The following LRRC74A variants were observed in gnomAD, a reference collection of about 807,000 sequenced individuals.
The protein encoded by LRRC74A is leucine rich repeat containing 74A.
LRRC74A carries 44 observed loss-of-function variants against 57.9 expected under a neutral mutation model. That is an observed-to-expected ratio of 0.76 (90% CI 0.60 to 0.98). The LOEUF (loss-of-function observed/expected upper bound fraction) is 0.98, where lower values mean the gene tolerates loss of function less well. LRRC74A is among the 50% of genes least tolerant of loss of function. The pLI, the probability that LRRC74A is intolerant of heterozygous loss-of-function variation, is 0.00. For synonymous variants in LRRC74A, 211 were observed against 219.4 expected, an observed-to-expected ratio of 0.96 and a Z score of 0.34; for missense variants, 572 against 574.0, an observed-to-expected ratio of 1.00 and a Z score of 0.04.
rs770419685 is a variant in LRRC74A at position 76,828,326 on chromosome 14, G to A, written c.73G>A (p.Asp25Asn). 1.2e-5 allele frequency: 19 copies of A among 1,609,580 alleles called. No homozygotes were observed. Among genetic ancestry groups the A allele is most frequent in the Middle Eastern group, 3.3e-4 (2 of 6,066 alleles). ...IEIEPVRQSS[D>N]KMLYCEAESP... ...AATTGAGCCAGTACGACAGAGCAGC[G>A]ATAAAATGCTCTACTGTGAGGCCGA... The change falls in exon 2 of 14, where the codon GAT (aspartate) becomes AAT (asparagine). Residue 25 changes from aspartate (D) to asparagine (N), a missense_variant. Physicochemically the swap from Asp to Asn is conservative, Grantham distance 23. Transcript: ENST00000689127.
At position 76,860,856 on chromosome 14, in the gene LRRC74A, C is replaced by G; in HGVS notation, c.1200+17C>G. The G allele has an allele frequency of 1.0e-5, 16 of 1,573,140 alleles. No homozygotes were observed. Among genetic ancestry groups the G allele is most frequent in the Non-Finnish European group, 1.4e-5 (16 of 1,155,348 alleles). On this transcript the variant is annotated intron_variant, in intron 11 of 13. Coordinates refer to ENST00000689127, the MANE Select transcript of LRRC74A (RefSeq NM_001385106.1). ...CTGATCCAGGTGAGCTCCTGCCTTC[C>G]TCTCAGGGCCTCCAGGGAGCCCTGG...
chr14:76,846,483 A>G (rs966120842), intron 7 of LRRC74A, among the ~76,000 whole-genome samples: 20 of 152,166 alleles, frequency 1.3e-4, no homozygotes, highest in Non-Finnish European at 1.9e-4. Context: ...GCCATAAAAG[A>G]GGAAAAAAAA....
chr14:76,828,958 A>G, intron 2 of LRRC74A: 7 of 1,258,470 alleles, frequency 5.6e-6, no homozygotes, highest in Non-Finnish European at 7.2e-6. Context: ...TGACTTTCCC[A>G]CACTCACCTT....
At chr14:76,859,654 G>A (rs533847104) in intron 10 of LRRC74A, among the ~76,000 whole-genome samples, 2 of 137,438 alleles carry the variant, frequency 1.5e-5, no homozygotes, top group African/African-American at 2.7e-5. Flanking sequence ...AAATAGGTCT[G>A]AATTAGCCTT....
chr14:76,837,175 T>G (rs1381241742), intron 4 of LRRC74A, among the ~76,000 whole-genome samples: 1 of 152,130 alleles, frequency 6.6e-6, no homozygotes, highest in Non-Finnish European at 1.5e-5. Context: ...TCTGCATAGT[T>G]GCCTTAAAGT....
At chr14:76,869,998 T>G in intron 13 of LRRC74A, 127 bp from the exon 14 acceptor site, 1 of 924,370 alleles carries the variant, frequency 1.1e-6, no homozygotes. Flanking sequence ...GTTAACAGCA[T>G]GACCTCTAAG....
rs562849581 is a variant in LRRC74A at position 76,860,761 on chromosome 14, C to T, written c.1122C>T (p.Asp374=). The change falls in exon 11 of 14, where the codon GAC becomes GAT. Residue 374 remains aspartate (D), a synonymous_variant. Coordinates refer to ENST00000689127, the MANE Select transcript of LRRC74A (RefSeq NM_001385106.1). ...TGTATGCCGTTCACCCGCAGCTGGA[C>T]GTGGTATTCAAGGCAGTACAAGGCC... ...DGVYAVHPQL[D]VVFKAVQGLS... 89 of 1,611,472 alleles carry T rather than the reference C, an allele frequency of 5.5e-5. No individual in the cohort carries two copies. The highest frequency in any genetic ancestry group is 5.3e-4 in the South Asian group (48 of 90,884).
intron 5 of LRRC74A, among the ~76,000 whole-genome samples, chr14:76,841,379 C>T (rs1176505552): frequency 1.3e-5 from 2 of 152,186 alleles, no homozygotes; most frequent in African/African-American, 2.4e-5. Context: ...CAAAGACTAC[C>T]CCTTTTTTCA....
At chr14:76,864,119 A>G (rs992837414) in intron 11 of LRRC74A, among the ~76,000 whole-genome samples, 5 of 152,226 alleles carry the variant, frequency 3.3e-5, no homozygotes, top group African/African-American at 1.2e-4. Flanking sequence ...GGCATCTGCC[A>G]TAGCGCTCAG....
At chr14:76,829,019 A>G (rs1895786229) in intron 2 of LRRC74A, 1 of 1,289,246 alleles carries the variant, frequency 7.8e-7, no homozygotes, top group African/African-American at 1.5e-5. Context: ...ATGCCTGGGT[A>G]TCGGGACTGG....
At chr14:76,826,806 G>A in intron 1 of LRRC74A, 72 bp downstream of exon 1, 2 of 1,032,528 alleles carry the variant, frequency 1.9e-6, no homozygotes, top group Admixed American at 4.3e-5. Flanking sequence ...AGTGATCACA[G>A]GACCCTGAAG....
intron 13 of LRRC74A, among the ~76,000 whole-genome samples, chr14:76,869,461 A>C (rs1457118868): frequency 2.3e-5 from 2 of 88,618 alleles, no homozygotes; most frequent in South Asian, 9.7e-4. Context: ...CATTGTAAAA[A>C]TTCTAAACCC....
At chr14:76,846,529 G>A (rs1385125413) in intron 7 of LRRC74A, among the ~76,000 whole-genome samples, 1 of 152,220 alleles carries the variant, frequency 6.6e-6, no homozygotes, top group Non-Finnish European at 1.5e-5. Flanking sequence ...CCAGGCAAAT[G>A]AGTACAAAAG....
chr14:76,844,868 G>T lies in LRRC74A; in HGVS notation c.643G>T (p.Asp215Tyr). 6.3e-7 allele frequency: 1 copy of T among 1,595,414 alleles called. No homozygotes were observed. The highest frequency in any genetic ancestry group is 1.7e-5 in the Admixed American group (1 of 59,984). Residue 215 changes from aspartate (D) to tyrosine (Y), a missense_variant, in exon 7 of 14, where the codon GAT (aspartate) becomes TAT (tyrosine). Asp to Tyr is a radical substitution (Grantham distance 160). Transcript: ENST00000689127. ...GGATCTCAGTCACAACCAATTCTCT[G>T]ATGTAGGAGGGGAGCACCTGGGCCA... Reference protein sequence around the residue: ...KLDLSHNQFSDVGGEHLGQML... With the variant: ...KLDLSHNQFSYVGGEHLGQML...
intron 4 of LRRC74A, 30 bp downstream of exon 4, chr14:76,836,344 C>T (rs778152289): frequency 4.6e-6 from 7 of 1,507,544 alleles, no homozygotes; most frequent in Non-Finnish European, 6.4e-6. Context: ...TGGCTCTTAC[C>T]ATCATCCCTG....
chr14:76,862,817 T>C (rs1898421902), intron 11 of LRRC74A, among the ~76,000 whole-genome samples: 2 of 151,982 alleles, frequency 1.3e-5, no homozygotes, highest in Non-Finnish European at 2.9e-5. Context: ...TCCAGGTTCA[T>C]AGAGGAGCCC....
chr14:76,840,238 G>A (rs1220786005), intron 5 of LRRC74A, among the ~76,000 whole-genome samples: 2 of 151,882 alleles, frequency 1.3e-5, no homozygotes, highest in Non-Finnish European at 2.9e-5. Context: ...CTTGAGCCCA[G>A]GACTGGCCCC....
At chr14:76,837,838 G>A (rs983967039) in intron 4 of LRRC74A, 37 bp from the exon 5 acceptor site, 8 of 1,329,534 alleles carry the variant, frequency 6.0e-6, no homozygotes, top group Non-Finnish European at 7.4e-6. Context: ...CCTTTGGTGA[G>A]CTTTTTTACA....
At chr14:76,830,975 C>T (rs1258377257) in intron 2 of LRRC74A, among the ~76,000 whole-genome samples, 2 of 152,226 alleles carry the variant, frequency 1.3e-5, no homozygotes, top group African/African-American at 4.8e-5. Flanking sequence ...CCATGGGCCT[C>T]ATCTCCTACC....
Sources: allele counts gnomAD v4.1 joint callset (sites outside exome capture counted in the v4.1 genomes callset), GRCh38; gene constraint gnomAD v4.1.1; transcripts MANE v1.5; gene names NCBI Gene and HGNC (gene_info 2026-07-23, HGNC 2026-07-21).